The following TENM3 variants were observed in gnomAD, a reference collection of about 807,000 sequenced individuals.
TENM3 encodes teneurin-3.
A neutral mutation model predicts 255.1 loss-of-function variants in TENM3; 63 were observed. The observed-to-expected ratio is 0.25, with a 90% CI of 0.20 to 0.30. The LOEUF is 0.30. TENM3 is among the 10% of genes least tolerant of loss of function. The pLI is 1.00. For synonymous variants in TENM3, 1,306 were observed against 1,322.3 expected (o/e 0.99, Z 0.27); for missense variants, 2,929 against 3,461.1 (o/e 0.85, Z 3.86).
chr4:182,110,302 A>G, the TENM3 span, among the ~76,000 whole-genome samples: 1 of 151,940 alleles, frequency 6.6e-6, no homozygotes, highest in Non-Finnish European at 1.5e-5. Context: ...ATTCAAGAAT[A>G]CAGTTACTTT....
At chr4:182,736,374 AATTCTC>A (rs1761166541) in intron 16 of TENM3, among the ~76,000 whole-genome samples, 1 of 152,190 alleles carries the variant, frequency 6.6e-6, no homozygotes, top group Non-Finnish European at 1.5e-5. Flanking sequence ...TGTCTGCTCT[AATTCTC>A]CAGGGTGATG....
the TENM3 span, among the ~76,000 whole-genome samples, chr4:181,813,211 G>A: frequency 1.3e-5 from 2 of 152,130 alleles, no homozygotes; most frequent in Non-Finnish European, 2.9e-5. Flanking sequence ...GTTCTCTCTT[G>A]TAAGGGTAGC....
chr4:181,788,040 T>C, the TENM3 span, among the ~76,000 whole-genome samples: 1 of 152,180 alleles, frequency 6.6e-6, no homozygotes, highest in South Asian at 2.1e-4. Context: ...CGAGATCACT[T>C]ACCCACGGCT....
chr4:182,043,624 ATAAAT>A, the TENM3 span, among the ~76,000 whole-genome samples: 2 of 152,198 alleles, frequency 1.3e-5, no homozygotes, highest in African/African-American at 4.8e-5. Context: ...TAGACTTCAA[ATAAAT>A]TAAATTTTTA....
At chr4:182,155,431 A>G (rs943667247) in intron 1 of TENM3, among the ~76,000 whole-genome samples, 3 of 152,168 alleles carry the variant, frequency 2.0e-5, no homozygotes, top group African/African-American at 7.2e-5. Context: ...CTTCTCAAAT[A>G]TTTTATATCT....
At chr4:182,355,912 T>A (rs956495150) in intron 3 of TENM3, among the ~76,000 whole-genome samples, 12 of 140,526 alleles carry the variant, frequency 8.5e-5, no homozygotes, top group Admixed American at 2.1e-4. Context: ...ATATATATAT[T>A]ATATATATAT....
At chr4:181,532,848 A>G in the TENM3 span, among the ~76,000 whole-genome samples, 1 of 152,198 alleles carries the variant, frequency 6.6e-6, no homozygotes, top group Non-Finnish European at 1.5e-5. Flanking sequence ...ATAGAATAAC[A>G]TTTATTTTCA....
At chr4:182,641,203 AAC>A (rs1752274863) in intron 5 of TENM3, among the ~76,000 whole-genome samples, 1 of 152,212 alleles carries the variant, frequency 6.6e-6, no homozygotes, top group Non-Finnish European at 1.5e-5. Flanking sequence ...CACCTGTGCA[AAC>A]ACACACACGT....
chr4:181,964,427 C>A, the TENM3 span, among the ~76,000 whole-genome samples: 1 of 152,084 alleles, frequency 6.6e-6, no homozygotes, highest in African/African-American at 2.4e-5. Flanking sequence ...TGAGCTTTTT[C>A]ATACACGTTC....
intron 3 of TENM3, among the ~76,000 whole-genome samples, chr4:182,401,223 A>T (rs1427214399): frequency 6.6e-6 from 1 of 152,098 alleles, no homozygotes; most frequent in African/African-American, 2.4e-5. Flanking sequence ...TACATTTTCT[A>T]CATCCTTTAA....
At chr4:182,233,145 G>A (rs1043021839) in intron 1 of TENM3, among the ~76,000 whole-genome samples, 1 of 152,170 alleles carries the variant, frequency 6.6e-6, no homozygotes, top group Non-Finnish European at 1.5e-5. Flanking sequence ...AGCCAGAGAT[G>A]TTCCCACCTT....
intron 16 of TENM3, among the ~76,000 whole-genome samples, chr4:182,732,355 A>C (rs1033263773): frequency 6.6e-6 from 1 of 152,184 alleles, no homozygotes; most frequent in African/African-American, 2.4e-5. Flanking sequence ...TGTCAGTAAA[A>C]AGTGTTTTGG....
chr4:181,635,512 C>G, the TENM3 span, among the ~76,000 whole-genome samples: 4 of 152,166 alleles, frequency 2.6e-5, no homozygotes, highest in Non-Finnish European at 5.9e-5. Context: ...AGGGTCTTAC[C>G]TAAGTGGGGA....
chr4:181,468,218 G>C, the TENM3 span, among the ~76,000 whole-genome samples: 1 of 152,154 alleles, frequency 6.6e-6, no homozygotes, highest in East Asian at 1.9e-4. Context: ...AGGTTGTAGT[G>C]AGGCATGATT....
At chr4:182,150,490 C>T (rs1028881540) in intron 1 of TENM3, among the ~76,000 whole-genome samples, 15 of 151,538 alleles carry the variant, frequency 9.9e-5, no homozygotes, top group Admixed American at 9.2e-4. Context: ...AAATTTAATC[C>T]AAGACATTCC....
At chr4:182,636,761 C>T (rs935823794) in intron 5 of TENM3, among the ~76,000 whole-genome samples, 1 of 151,110 alleles carries the variant, frequency 6.6e-6, no homozygotes, top group Non-Finnish European at 1.5e-5. Flanking sequence ...TACACTTAAA[C>T]AGATTGTGTT....
Position 182,754,130 on chromosome 4 carries a change from C to T in TENM3, c.4018-255C>T, listed in dbSNP as rs1029117396. ...CTCATCGATATCTGTTGACTCACTA[C>T]GTAGAGGCCTATTTGCTATTTGCCT... is the stretch of plus-strand genomic sequence containing the variant. On this transcript the variant is annotated intron_variant, in intron 21 of 27. Coordinates refer to ENST00000511685, the MANE Select transcript of TENM3 (RefSeq NM_001080477.4). This position sits in a 1 kb window ranked among gnomAD's most constrained non-coding sequence, Gnocchi z 5.1. Among the ~76,000 whole-genome samples, 2 of 152,196 alleles carry T rather than the reference C, an allele frequency of 1.3e-5. No homozygotes were observed. The highest frequency in any genetic ancestry group is 2.4e-5 in the African/African-American group (1 of 41,450).
intron 22 of TENM3, among the ~76,000 whole-genome samples, chr4:182,770,537 C>G (rs1579431442): frequency 6.6e-6 from 1 of 152,160 alleles, no homozygotes; most frequent in Admixed American, 6.5e-5. Context: ...AAGCAACATT[C>G]AGTTGAGCCA....
chr4:182,041,486 G>A, the TENM3 span, among the ~76,000 whole-genome samples: 35,394 of 152,062 alleles, frequency 0.23, 4,565 homozygotes, highest in African/African-American at 0.35. Flanking sequence ...TGGGTAGCCT[G>A]CAAACATTGT....
Sources: gnomAD v4.1 joint callset for allele counts (sites outside exome capture counted in the v4.1 genomes callset) on GRCh38, gnomAD v4.1.1 for gene constraint, Gnocchi (gnomAD v3.1) non-coding constraint, MANE v1.5 for transcripts, NCBI Gene and HGNC (gene_info 2026-07-23, HGNC 2026-07-21) for gene names.